Variants in LOC400499 observed in about 807,000 individuals in gnomAD.
chr16:11,487,250 CT>C, the LOC400499 span: 2 of 398,804 alleles, frequency 5.0e-6, no homozygotes, highest in South Asian at 2.5e-4. Flanking sequence ...TATAGCAAGG[CT>C]CCCCTCTAAC....
the LOC400499 span, among the ~76,000 whole-genome samples, chr16:11,391,391 G>GC: frequency 0.014 from 2,185 of 152,032 alleles, 29 homozygotes; most frequent in Middle Eastern, 0.088. Context: ...AAAGAAAGCA[G>GC]GCGGGAGACT....
the LOC400499 span, among the ~76,000 whole-genome samples, chr16:11,375,408 T>G: frequency 1.5e-5 from 2 of 134,226 alleles, no homozygotes; most frequent in East Asian, 4.1e-4. Flanking sequence ...CTGCCTCCCG[T>G]GTTCAAGCAA....
chr16:11,412,852 G>C, the LOC400499 span: 1 of 399,082 alleles, frequency 2.5e-6, no homozygotes, highest in African/African-American at 2.1e-5. Flanking sequence ...TGACTGCCTG[G>C]TTCTGGCCAC....
chr16:11,446,325 T>C, the LOC400499 span, among the ~76,000 whole-genome samples: 1 of 32,764 alleles, frequency 3.1e-5, no homozygotes, highest in African/African-American at 1.2e-4. Flanking sequence ...AATTAAACAA[T>C]TTTTTTTTCT....
the LOC400499 span, among the ~76,000 whole-genome samples, chr16:11,397,757 TGGAGGGAGGGAGGGATGGAG>T: frequency 6.2e-5 from 1 of 16,142 alleles, no homozygotes; most frequent in Non-Finnish European, 2.2e-4. Flanking sequence ...GAGGGAGGGA[TGGAGGGAGGGAGGGATGGAG>T]GGAGGGAGGG....
chr16:11,452,164 G>A, the LOC400499 span, among the ~76,000 whole-genome samples: 1,124 of 150,040 alleles, frequency 7.5e-3, 8 homozygotes, highest in Middle Eastern at 0.038. Flanking sequence ...GCAAACTCAG[G>A]CCCTCCAGAA....
At chr16:11,502,947 G>C in the LOC400499 span, among the ~76,000 whole-genome samples, 10 of 92,668 alleles carry the variant, frequency 1.1e-4, no homozygotes, top group African/African-American at 4.3e-4. Context: ...TAAGAGACAG[G>C]ATCTCCCTCT....
the LOC400499 span, chr16:11,460,874 C>G: frequency 2.8e-6 from 4 of 1,412,196 alleles, no homozygotes; most frequent in Non-Finnish European, 3.7e-6. Flanking sequence ...GTGGTGACAG[C>G]GTATCTCAGC....
chr16:11,372,701 G>C, the LOC400499 span: 2 of 970,792 alleles, frequency 2.1e-6, no homozygotes, highest in Admixed American at 6.1e-5. Context: ...GGAGTTTGAA[G>C]TCTGGCAGCC....
chr16:11,461,276 C>A, the LOC400499 span, among the ~76,000 whole-genome samples: 36 of 152,222 alleles, frequency 2.4e-4, no homozygotes, highest in Admixed American at 8.5e-4. Context: ...AGGCCACAGA[C>A]AGGCCTGATC....
At chr16:11,439,867 T>C in the LOC400499 span, among the ~76,000 whole-genome samples, 1 of 151,942 alleles carries the variant, frequency 6.6e-6, no homozygotes. Context: ...CACCACCTTC[T>C]ACTTGACCCT....
At chr16:11,398,294 C>T in the LOC400499 span, 4 of 1,227,150 alleles carry the variant, frequency 3.3e-6, no homozygotes, top group South Asian at 1.7e-4. Context: ...ACTGCTGCCC[C>T]CTCACCATGG....
the LOC400499 span, chr16:11,491,734 G>A: frequency 6.6e-5 from 17 of 259,052 alleles, no homozygotes; most frequent in African/African-American, 1.8e-4. Context: ...TGGGTGCGCC[G>A]CACCTGGGCA....
the LOC400499 span, among the ~76,000 whole-genome samples, chr16:11,387,602 G>A: frequency 4.0e-5 from 6 of 151,642 alleles, no homozygotes; most frequent in Non-Finnish European, 2.9e-5. Flanking sequence ...GCTTATGTGT[G>A]GGGATGCCGA....
chr16:11,450,894 G>T, the LOC400499 span: 19 of 1,340,154 alleles, frequency 1.4e-5, no homozygotes, highest in Non-Finnish European at 1.9e-5. Flanking sequence ...TGGAGGTCCC[G>T]AGAGTCTCAT....
At chr16:11,508,532 A>G in the LOC400499 span, among the ~76,000 whole-genome samples, 3 of 152,214 alleles carry the variant, frequency 2.0e-5, no homozygotes, top group Non-Finnish European at 4.4e-5. Context: ...GGCACACGCC[A>G]TCTAGATTTC....
At chr16:11,425,746 G>T in the LOC400499 span, among the ~76,000 whole-genome samples, 7 of 152,144 alleles carry the variant, frequency 4.6e-5, no homozygotes, top group Non-Finnish European at 1.0e-4. Context: ...CGCTCCAGAC[G>T]TCTTCGCTGG....
At chr16:11,405,328 A>G in the LOC400499 span, among the ~76,000 whole-genome samples, 14 of 152,206 alleles carry the variant, frequency 9.2e-5, no homozygotes, top group Non-Finnish European at 1.9e-4. Context: ...CTCCCAAGCC[A>G]GTGCTGAGTG....
At chr16:11,514,397 C>G in the LOC400499 span, 1 of 399,044 alleles carries the variant, frequency 2.5e-6, no homozygotes, top group African/African-American at 2.1e-5. Context: ...GTGCAGCAGA[C>G]TGAGTGAGGA....
Sources: allele counts gnomAD v4.1 joint callset (sites outside exome capture counted in the v4.1 genomes callset), GRCh38; gene constraint gnomAD v4.1.1; transcripts MANE v1.5.